The following ARSJ variants were observed in gnomAD, a reference collection of about 807,000 sequenced individuals.
ARSJ encodes the protein arylsulfatase J.
ARSJ carries 26 observed loss-of-function variants against 35.9 expected under a neutral mutation model. That is an observed-to-expected ratio of 0.72 (90% CI 0.53 to 1.00). ARSJ has a LOEUF of 1.00. Among genes scored for constraint, ARSJ ranks in the 50% least tolerant of loss-of-function variants. ARSJ has a pLI of 0.00. For missense variants in ARSJ, 667 were observed against 723.6 expected, an observed-to-expected ratio of 0.92 and a Z score of 0.90; for synonymous variants, 294 against 267.6, an observed-to-expected ratio of 1.10 and a Z score of -0.96.
chr4:113,939,500 G>T (rs1166748156), intron 1 of ARSJ, among the ~76,000 whole-genome samples: 2 of 152,174 alleles, frequency 1.3e-5, no homozygotes, highest in South Asian at 2.1e-4. Context: ...ACTTCCACAA[G>T]GGTTGAACTA....
At position 113,917,523 on chromosome 4, in the gene ARSJ, A is replaced by G. The variant is rs1419060369; in HGVS notation, c.399-13848T>C. Among the ~76,000 whole-genome samples the G allele has an allele frequency of 5.3e-5, 8 of 152,330 alleles. No homozygotes were observed. In the East Asian group the frequency reaches 1.5e-3, roughly 29 times the overall value. On this transcript the variant is annotated intron_variant, in intron 1 of 1. Coordinates refer to ENST00000315366, the MANE Select transcript of ARSJ (RefSeq NM_024590.4). ...CATATTAATGCAATTCTTATATGTC[A>G]CATTCAGAAAAATTATATTAGAACA...
intron 1 of ARSJ, among the ~76,000 whole-genome samples, chr4:113,933,288 C>A (rs934984467): frequency 6.6e-6 from 1 of 151,742 alleles, no homozygotes. Flanking sequence ...AAAACCATTA[C>A]CAATTCTACT....
chr4:113,944,540 G>A lies in ARSJ; in HGVS notation c.398+33897C>T, dbSNP rs545339520. ...TTATATGCAGTGTCGAGAACATATT[G>A]TCGAAGATCTAGAAACGGGCAAAAG... On this transcript the variant is annotated intron_variant, in intron 1 of 1. Coordinates refer to ENST00000315366, the MANE Select transcript of ARSJ (RefSeq NM_024590.4). Among the ~76,000 whole-genome samples, 12 of 152,136 alleles carry A rather than the reference G, an allele frequency of 7.9e-5. No individual in the cohort carries two copies. The East Asian group carries it at 2.3e-3, about 30-fold the overall frequency.
At chr4:113,976,969 C>CATAT (rs1727628192) in intron 1 of ARSJ, among the ~76,000 whole-genome samples, 1 of 152,186 alleles carries the variant, frequency 6.6e-6, no homozygotes, top group African/African-American at 2.4e-5. Flanking sequence ...AAGCCTTGAA[C>CATAT]ATATGCTTTA....
rs752170847 is a variant in ARSJ, at chr4:113,902,568, T to G, written c.1506A>C (p.Pro502=). Residue 502 remains proline (P), a synonymous_variant, in exon 2 of 2, where the codon CCA becomes CCC. Transcript: ENST00000315366. ...SVWLFNITAD[P]YERVDLSNRY... The stretch of plus-strand genomic sequence containing the variant: ...TGTTAGATAGGTCCACCCTCTCATA[T>G]GGGTCGGCTGTGATGTTGAAAAGCC... 2 of 1,614,170 alleles carry G rather than the reference T, an allele frequency of 1.2e-6. No homozygotes were observed. The highest frequency in any genetic ancestry group is 1.7e-6 in the Non-Finnish European group (2 of 1,180,022).
chr4:113,966,238 G>A (rs1726885580), intron 1 of ARSJ, among the ~76,000 whole-genome samples: 1 of 151,992 alleles, frequency 6.6e-6, no homozygotes, highest in Non-Finnish European at 1.5e-5. Context: ...ATTTTTGCTA[G>A]GTAGAAGTGC....
intron 1 of ARSJ, among the ~76,000 whole-genome samples, chr4:113,959,901 T>A (rs1441699880): frequency 6.6e-6 from 1 of 152,036 alleles, no homozygotes; most frequent in Non-Finnish European, 1.5e-5. Context: ...AGCCACCCAA[T>A]AGATTTTTTT....
At chr4:113,929,743 A>G (rs1056295072) in intron 1 of ARSJ, among the ~76,000 whole-genome samples, 11 of 152,248 alleles carry the variant, frequency 7.2e-5, no homozygotes, top group African/African-American at 2.4e-4. Context: ...GAGGCTCAGT[A>G]TCTGCTTCTG....
At position 113,979,628 on chromosome 4, in the gene ARSJ, C is replaced by CG. The variant is rs1727814364; in HGVS notation, c.-795dup. 6.6e-6 allele frequency: 1 copy of CG among 152,358 alleles called. No individual in the cohort carries two copies. The highest frequency in any genetic ancestry group is 2.4e-5 in the African/African-American group (1 of 41,492). The allele number at this position is 152,358 out of a possible 1,614,324, so 9.4% of individuals were successfully genotyped here. Reference sequence around the variant, plus strand: ...TTGGTCTTTGCGTAGTTGGCGCACCCGGCGCAGGCGCTGCAAACTGCGTGC... The same window carrying CG: ...TTGGTCTTTGCGTAGTTGGCGCACCCGGGCGCAGGCGCTGCAAACTGCGTGC... On this transcript the variant is annotated 5_prime_UTR_variant, in exon 1 of 2. Transcript: ENST00000315366.
At chr4:113,904,819 C>T (rs988789589) in intron 1 of ARSJ, among the ~76,000 whole-genome samples, 2 of 152,080 alleles carry the variant, frequency 1.3e-5, no homozygotes, top group African/African-American at 2.4e-5. Flanking sequence ...ATCTCTGAAA[C>T]GAGATAGAGG....
At chr4:113,933,056 A>T (rs1036750430) in intron 1 of ARSJ, among the ~76,000 whole-genome samples, 4 of 151,904 alleles carry the variant, frequency 2.6e-5, no homozygotes, top group African/African-American at 9.7e-5. Context: ...AAATACAAAG[A>T]ATATTTCGAG....
chr4:113,939,576 T>C (rs1332240352), intron 1 of ARSJ, among the ~76,000 whole-genome samples: 2 of 152,132 alleles, frequency 1.3e-5, no homozygotes, highest in Non-Finnish European at 2.9e-5. Flanking sequence ...GCACCCGTTG[T>C]TTCCTGACTT....
intron 1 of ARSJ, among the ~76,000 whole-genome samples, chr4:113,923,223 G>A (rs1442419156): frequency 1.3e-5 from 2 of 152,118 alleles, no homozygotes; most frequent in African/African-American, 2.4e-5. Flanking sequence ...ACATCCTGCT[G>A]TTCTCTTTCT....
At chr4:113,955,743 C>CA (rs1360063191) in intron 1 of ARSJ, among the ~76,000 whole-genome samples, 1 of 151,960 alleles carries the variant, frequency 6.6e-6, no homozygotes, top group African/African-American at 2.4e-5. Flanking sequence ...GAGCACACAG[C>CA]AAAAAACTTT....
chr4:113,914,880 A>G (rs1027199900), intron 1 of ARSJ, among the ~76,000 whole-genome samples: 2 of 152,180 alleles, frequency 1.3e-5, no homozygotes, highest in Non-Finnish European at 1.5e-5. Context: ...CTGAGAAGAG[A>G]ATATATTTGC....
chr4:113,964,147 T>C (rs776668409), intron 1 of ARSJ, among the ~76,000 whole-genome samples: 17 of 152,058 alleles, frequency 1.1e-4, no homozygotes, highest in Admixed American at 2.0e-4. Context: ...AGATAAATAA[T>C]GACAGTGAAT....
intron 1 of ARSJ, among the ~76,000 whole-genome samples, chr4:113,962,647 T>G (rs1235816995): frequency 3.3e-5 from 5 of 152,022 alleles, no homozygotes; most frequent in Admixed American, 3.3e-4. Context: ...CTCTGTCCCA[T>G]GATCTCTCAC....
chr4:113,903,386 A>G lies in ARSJ; in HGVS notation c.688T>C (p.Trp230Arg), dbSNP rs781232799. ...GAGTATATGCCATTGTCATAGTCCCAGGCAGCATTGTCGTTTTCATACAAG... is the reference window on the plus strand; with the variant it reads ...GAGTATATGCCATTGTCATAGTCCCGGGCAGCATTGTCGTTTTCATACAAG... ...YDLYENDNAAWDYDNGIYSTQ... is the reference protein window; with the variant it reads ...YDLYENDNAARDYDNGIYSTQ... Residue 230 changes from tryptophan (W) to arginine (R), a missense_variant, in exon 2 of 2, where the codon TGG becomes CGG. Trp to Arg is a moderately radical substitution (Grantham distance 101). Coordinates refer to ENST00000315366, the MANE Select transcript of ARSJ (RefSeq NM_024590.4). The G allele has an allele frequency of 3.7e-6, 6 of 1,614,092 alleles. No homozygotes were observed. The highest frequency in any genetic ancestry group is 1.7e-5 in the Admixed American group (1 of 60,000).
intron 1 of ARSJ, among the ~76,000 whole-genome samples, chr4:113,943,797 G>A (rs1337446837): frequency 6.6e-6 from 1 of 151,962 alleles, no homozygotes; most frequent in Non-Finnish European, 1.5e-5. Context: ...TAAGGATCCT[G>A]AGCTGGGAAT....
Sources: allele counts gnomAD v4.1 joint callset (sites outside exome capture counted in the v4.1 genomes callset), GRCh38; gene constraint gnomAD v4.1.1; transcripts MANE v1.5; gene names NCBI Gene and HGNC (gene_info 2026-07-23, HGNC 2026-07-21).